LRRC4C: variants seen among roughly 807,000 people sequenced by gnomAD.
The protein encoded by LRRC4C is leucine rich repeat containing 4C.
Under a neutral mutation model 33.6 loss-of-function variants are expected in LRRC4C, and 5 were observed. The observed-to-expected ratio is 0.15, with a 90% CI of 0.08 to 0.31. The LOEUF (loss-of-function observed/expected upper bound fraction) is 0.31. LRRC4C is among the 10% of genes least tolerant of loss of function. The pLI, the probability that LRRC4C is intolerant of heterozygous loss-of-function variation, is 1.00. For missense variants in LRRC4C, 560 were observed against 796.7 expected, an observed-to-expected ratio of 0.70 and a Z score of 3.58; for synonymous variants, 329 against 302.0, an observed-to-expected ratio of 1.09 and a Z score of -0.93.
chr11:41,365,027 G>C (rs752905112), intron 1 of LRRC4C, among the ~76,000 whole-genome samples: 4 of 152,088 alleles, frequency 2.6e-5, no homozygotes, highest in Non-Finnish European at 5.9e-5. Context: ...GGGGTCCCCA[G>C]TTACTGAATC....
At chr11:40,733,804 T>C (rs151321561) in intron 2 of LRRC4C, among the ~76,000 whole-genome samples, 96 of 152,238 alleles carry the variant, frequency 6.3e-4, no homozygotes, top group Non-Finnish European at 1.1e-3. Flanking sequence ...TACTCATTCA[T>C]TGTGACCCTA....
intron 2 of LRRC4C, among the ~76,000 whole-genome samples, chr11:40,803,852 A>G (rs975720568): frequency 6.6e-6 from 1 of 152,212 alleles, no homozygotes; most frequent in African/African-American, 2.4e-5. Context: ...CATGCAATGC[A>G]TAATAATCAC....
chr11:40,356,849 A>AT (rs1473877018), intron 3 of LRRC4C, among the ~76,000 whole-genome samples: 1 of 152,134 alleles, frequency 6.6e-6, no homozygotes, highest in Non-Finnish European at 1.5e-5. Context: ...TATATATTTG[A>AT]TTTTTTAAAA....
chr11:40,400,467 A>G (rs923705144), intron 3 of LRRC4C, among the ~76,000 whole-genome samples: 53 of 152,076 alleles, frequency 3.5e-4, no homozygotes, highest in African/African-American at 1.3e-3. Context: ...CTCTATTTAT[A>G]GTAATCATTA....
intron 2 of LRRC4C, among the ~76,000 whole-genome samples, chr11:40,815,252 C>T (rs746835322): frequency 2.0e-5 from 3 of 152,122 alleles, no homozygotes; most frequent in Non-Finnish European, 4.4e-5. Flanking sequence ...GGGGACCTCC[C>T]TTTACAAAAC....
At chr11:41,221,086 C>T (rs1046691070) in intron 1 of LRRC4C, among the ~76,000 whole-genome samples, 5 of 152,062 alleles carry the variant, frequency 3.3e-5, no homozygotes, top group Admixed American at 6.5e-5. Context: ...TTTTGTCACC[C>T]AGGTATTAAG....
intron 2 of LRRC4C, among the ~76,000 whole-genome samples, chr11:40,691,289 A>G (rs1209028159): frequency 6.6e-6 from 1 of 152,030 alleles, no homozygotes; most frequent in African/African-American, 2.4e-5. Context: ...GAATGCCCAC[A>G]GGGACTCATA....
intron 1 of LRRC4C, among the ~76,000 whole-genome samples, chr11:41,289,157 A>C (rs988866399): frequency 3.9e-5 from 6 of 152,186 alleles, no homozygotes; most frequent in Non-Finnish European, 8.8e-5. Flanking sequence ...GGGAGCATTA[A>C]AAAAATTCTT....
At chr11:40,889,304 G>A (rs1462740574) in intron 2 of LRRC4C, among the ~76,000 whole-genome samples, 1 of 152,028 alleles carries the variant, frequency 6.6e-6, no homozygotes, top group East Asian at 1.9e-4. Flanking sequence ...ATTAAAGATT[G>A]AAAAACAGTA....
At chr11:40,704,901 G>C (rs929066734) in intron 2 of LRRC4C, among the ~76,000 whole-genome samples, 1 of 152,016 alleles carries the variant, frequency 6.6e-6, no homozygotes, top group Non-Finnish European at 1.5e-5. Flanking sequence ...TAATACAATT[G>C]AAGAGAAAAC....
At chr11:40,593,653 TCA>T (rs1043804866) in intron 3 of LRRC4C, among the ~76,000 whole-genome samples, 2 of 152,188 alleles carry the variant, frequency 1.3e-5, no homozygotes, top group Admixed American at 6.6e-5. Context: ...GTTCTAGAAC[TCA>T]GTTTTTCCAT....
At chr11:40,255,463 C>T (rs1867130499) in intron 4 of LRRC4C, among the ~76,000 whole-genome samples, 1 of 152,194 alleles carries the variant, frequency 6.6e-6, no homozygotes, top group Non-Finnish European at 1.5e-5. Context: ...ATCTGTCCCC[C>T]TACTCAGGAT....
intron 1 of LRRC4C, among the ~76,000 whole-genome samples, chr11:41,265,382 T>C (rs1949116158): frequency 6.6e-6 from 1 of 152,108 alleles, no homozygotes; most frequent in Non-Finnish European, 1.5e-5. Flanking sequence ...AAGTGGTGGC[T>C]GATTGGTAAG....
chr11:41,202,660 C>T (rs1052919401), intron 1 of LRRC4C, among the ~76,000 whole-genome samples: 11 of 152,000 alleles, frequency 7.2e-5, no homozygotes, highest in African/African-American at 2.7e-4. Context: ...GGCTCTAATG[C>T]TTTTGGAATG....
At chr11:41,069,480 G>A (rs1375528200) in intron 1 of LRRC4C, among the ~76,000 whole-genome samples, 3 of 152,118 alleles carry the variant, frequency 2.0e-5, no homozygotes, top group Admixed American at 1.3e-4. Context: ...AAGTCAAATT[G>A]TCTGTTTGCA....
intron 1 of LRRC4C, among the ~76,000 whole-genome samples, chr11:41,440,851 T>C (rs1191724825): frequency 1.3e-5 from 2 of 152,214 alleles, no homozygotes; most frequent in South Asian, 2.1e-4. Flanking sequence ...TTTTGCCTTC[T>C]ACCATAACTG....
intron 3 of LRRC4C, among the ~76,000 whole-genome samples, chr11:40,611,428 G>A (rs1256621305): frequency 6.6e-6 from 1 of 151,894 alleles, no homozygotes; most frequent in Non-Finnish European, 1.5e-5. Flanking sequence ...AGAAAATGTA[G>A]GGGAAAAGCT....
At chr11:41,078,607 T>C (rs1234281856) in intron 1 of LRRC4C, among the ~76,000 whole-genome samples, 1 of 152,202 alleles carries the variant, frequency 6.6e-6, no homozygotes, top group Admixed American at 6.5e-5. Context: ...CAACCAGGTC[T>C]TGTGAGAACT....
intron 1 of LRRC4C, among the ~76,000 whole-genome samples, chr11:41,036,720 C>A (rs535299679): frequency 6.6e-6 from 1 of 152,056 alleles, no homozygotes. Context: ...TTATTTAATT[C>A]ATTCATTAAT....
Sources: gnomAD v4.1 joint callset for allele counts (sites outside exome capture counted in the v4.1 genomes callset) on GRCh38, gnomAD v4.1.1 for gene constraint, MANE v1.5 for transcripts, NCBI Gene and HGNC (gene_info 2026-07-23, HGNC 2026-07-21) for gene names.